UNC13C: variants seen among roughly 807,000 people sequenced by gnomAD.
UNC13C encodes the protein protein unc-13 homolog C.
UNC13C carries 174 observed loss-of-function variants against 245.4 expected under a neutral mutation model. The observed-to-expected ratio is 0.71, with a 90% CI of 0.63 to 0.80. UNC13C has a LOEUF of 0.80. UNC13C is among the 30% of genes least tolerant of loss of function. The probability of loss-of-function intolerance (pLI) is 0.00; values close to 1 mark genes in which losing one functional copy is unlikely to be tolerated. For missense variants in UNC13C, 2,829 were observed against 2,602.9 expected (o/e 1.09, Z -1.89); for synonymous variants, 992 against 895.1 (o/e 1.11, Z -1.93).
the UNC13C span, among the ~76,000 whole-genome samples, chr15:53,847,499 G>A: frequency 6.6e-6 from 1 of 151,266 alleles, no homozygotes; most frequent in Admixed American, 6.6e-5. Context: ...TGGGATTACA[G>A]GTGTCCACCA....
intron 17 of UNC13C, among the ~76,000 whole-genome samples, chr15:54,353,543 T>G (rs2039030126): frequency 6.6e-6 from 1 of 152,134 alleles, no homozygotes; most frequent in Non-Finnish European, 1.5e-5. Context: ...AGCGAAGAGG[T>G]ACGGTAGAAT....
chr15:54,157,990 C>A (rs538019683), intron 4 of UNC13C, among the ~76,000 whole-genome samples: 28 of 152,272 alleles, frequency 1.8e-4, no homozygotes, highest in African/African-American at 6.7e-4. Context: ...ATAGTAATTG[C>A]CTACTCCAGC....
intron 7 of UNC13C, among the ~76,000 whole-genome samples, chr15:54,244,381 A>ACTAT (rs2140851449): frequency 6.6e-6 from 1 of 152,194 alleles, no homozygotes; most frequent in South Asian, 2.1e-4. Context: ...GTAGCCTTGT[A>ACTAT]CTATAGTTCG....
chr15:54,109,298 CCCCTCCCCTCCCCTCCCCTCCCTTT>C (rs1900636794), intron 2 of UNC13C, among the ~76,000 whole-genome samples: 1 of 55,896 alleles, frequency 1.8e-5, no homozygotes. Flanking sequence ...CCCCTCCCTT[CCCCTCCCCTCCCCTCCCCTCCCTTT>C]CCTTTCCTTT....
At chr15:54,064,645 A>G (rs1195474126) in intron 2 of UNC13C, among the ~76,000 whole-genome samples, 1 of 152,138 alleles carries the variant, frequency 6.6e-6, no homozygotes, top group Non-Finnish European at 1.5e-5. Flanking sequence ...TTCCCTCCCC[A>G]GTTTCCGGTG....
chr15:54,341,925 G>A (rs1002710052), intron 17 of UNC13C, among the ~76,000 whole-genome samples: 5 of 150,824 alleles, frequency 3.3e-5, no homozygotes, highest in East Asian at 2.0e-4. Flanking sequence ...GCAGTGAGCC[G>A]AGGTTGCACC....
intron 19 of UNC13C, among the ~76,000 whole-genome samples, chr15:54,475,402 A>C (rs933857637): frequency 6.6e-6 from 1 of 151,478 alleles, no homozygotes; most frequent in African/African-American, 2.4e-5. Context: ...GGCGTGCTGC[A>C]CCCATTAACT....
At chr15:54,049,056 C>G (rs1897162846) in intron 2 of UNC13C, 1 of 383,370 alleles carries the variant, frequency 2.6e-6, no homozygotes, top group Non-Finnish European at 5.1e-6. Flanking sequence ...ATAGATATCT[C>G]TATTTTTATC....
intron 4 of UNC13C, among the ~76,000 whole-genome samples, chr15:54,155,842 G>A (rs988589827): frequency 6.6e-6 from 1 of 152,128 alleles, no homozygotes; most frequent in Non-Finnish European, 1.5e-5. Context: ...CATGGATATG[G>A]AAAATAAAAT....
At chr15:54,311,124 T>C (rs2037861232) in intron 13 of UNC13C, among the ~76,000 whole-genome samples, 1 of 151,774 alleles carries the variant, frequency 6.6e-6, no homozygotes, top group Non-Finnish European at 1.5e-5. Context: ...GAAAAAATTA[T>C]TGTAATGACC....
chr15:54,033,130 A>G (rs12915574), intron 2 of UNC13C, among the ~76,000 whole-genome samples: 7,566 of 152,232 alleles, frequency 0.05, 294 homozygotes, highest in Non-Finnish European at 0.077. Context: ...CTAAAAACCT[A>G]TGGAAATAAA....
chr15:53,984,047 A>G (rs1448834508), intron 1 of UNC13C, among the ~76,000 whole-genome samples: 1 of 152,032 alleles, frequency 6.6e-6, no homozygotes, highest in Non-Finnish European at 1.5e-5. Context: ...TTTTATCTGT[A>G]TGATTCTTTT....
chr15:53,871,032 C>T, the UNC13C span, among the ~76,000 whole-genome samples: 1 of 152,190 alleles, frequency 6.6e-6, no homozygotes, highest in East Asian at 1.9e-4. Context: ...TCATGTTGTG[C>T]TCTAATTCTA....
At position 54,460,071 on chromosome 15, in the gene UNC13C, A is replaced by AT. The variant is rs1030469099; in HGVS notation, c.4934-34531dup. Among the ~76,000 whole-genome samples, 4 of 152,156 alleles carry AT rather than the reference A, an allele frequency of 2.6e-5. No individual in the cohort carries two copies. The South Asian group carries it at 8.3e-4, about 32-fold the overall frequency. On this transcript the variant is annotated intron_variant, in intron 19 of 32. Coordinates refer to ENST00000260323, the MANE Select transcript of UNC13C (RefSeq NM_001080534.3). ...CGGCTCAAACTCTGCTGTTCAGATT[A>AT]TTTTTTCCCATTGGGTGATCCCTTG...
intron 4 of UNC13C, among the ~76,000 whole-genome samples, chr15:54,176,759 C>A (rs1001957870): frequency 6.6e-6 from 1 of 151,920 alleles, no homozygotes; most frequent in Non-Finnish European, 1.5e-5. Flanking sequence ...TATTTGAAGA[C>A]TAAGATATTA....
At chr15:54,016,934 C>T (rs1159982257) in intron 2 of UNC13C, among the ~76,000 whole-genome samples, 3 of 152,152 alleles carry the variant, frequency 2.0e-5, no homozygotes, top group Admixed American at 2.0e-4. Flanking sequence ...TATCAAATAA[C>T]ATAATAATAT....
intron 4 of UNC13C, among the ~76,000 whole-genome samples, chr15:54,148,322 C>G (rs916001079): frequency 6.6e-6 from 1 of 152,170 alleles, no homozygotes; most frequent in Non-Finnish European, 1.5e-5. Context: ...CAGTTTTCAT[C>G]CAAAGTCCTG....
chr15:54,294,291 A>G (rs2037375420), intron 11 of UNC13C, among the ~76,000 whole-genome samples: 1 of 152,028 alleles, frequency 6.6e-6, no homozygotes, highest in Non-Finnish European at 1.5e-5. Flanking sequence ...TCCAAGAACT[A>G]CCTAGATGTC....
intron 19 of UNC13C, among the ~76,000 whole-genome samples, chr15:54,484,637 T>C (rs1267264953): frequency 1.3e-5 from 2 of 152,220 alleles, no homozygotes; most frequent in East Asian, 3.8e-4. Context: ...TTTATCTTCA[T>C]GACCTATCAC....
Sources: gnomAD v4.1 joint callset for allele counts (sites outside exome capture counted in the v4.1 genomes callset) on GRCh38, gnomAD v4.1.1 for gene constraint, MANE v1.5 for transcripts, NCBI Gene and HGNC (gene_info 2026-07-23, HGNC 2026-07-21) for gene names.